The following GRAMD1B variants were observed in gnomAD, a reference collection of about 807,000 sequenced individuals.
GRAMD1B encodes GRAM domain containing 1B.
A neutral mutation model predicts 99.7 loss-of-function variants in GRAMD1B; 37 were observed. The ratio of observed to expected loss-of-function variants is 0.37; its 90% CI spans 0.29 to 0.49. The LOEUF is 0.49. GRAMD1B is among the 20% of genes least tolerant of loss of function. The pLI is 0.98. For missense variants in GRAMD1B, 888 were observed against 1,009.2 expected (o/e 0.88, Z 1.63); for synonymous variants, 427 against 387.6 (o/e 1.10, Z -1.19).
At position 123,432,834 on chromosome 11, in the gene GRAMD1B, A is replaced by T. The variant is rs986272540; in HGVS notation, c.374+1668A>T. 3.9e-5 allele frequency among the ~76,000 whole-genome samples: 6 copies of T among 152,134 alleles called. No individual in the cohort carries two copies. The East Asian group carries it at 1.2e-3, about 29-fold the overall frequency. ...TGCGGGGTGGGGACTGAGGAGTAGG[A>T]TCCGTTATGCAGAAGATGGGCATTT... On this transcript the variant is annotated intron_variant, in intron 1 of 19. Coordinates refer to ENST00000635736, the MANE Select transcript of GRAMD1B (RefSeq NM_001387025.1).
intron 1 of GRAMD1B, among the ~76,000 whole-genome samples, chr11:123,438,214 G>C (rs1949250862): frequency 6.6e-6 from 1 of 152,158 alleles, no homozygotes; most frequent in Non-Finnish European, 1.5e-5. Flanking sequence ...CCCCAGGCAG[G>C]TTTTCCAGCT....
At chr11:123,523,632 T>G (rs1468984515) in intron 2 of GRAMD1B, among the ~76,000 whole-genome samples, 2 of 152,208 alleles carry the variant, frequency 1.3e-5, no homozygotes, top group East Asian at 3.8e-4. Flanking sequence ...TGATCCAGGT[T>G]TTCTGTGTTA....
intron 2 of GRAMD1B, among the ~76,000 whole-genome samples, chr11:123,568,887 T>G (rs184562339): frequency 1.3e-5 from 2 of 152,320 alleles, no homozygotes; most frequent in East Asian, 3.9e-4. Flanking sequence ...CAGGCTTAGA[T>G]GCCAGCGATA....
intron 2 of GRAMD1B, among the ~76,000 whole-genome samples, chr11:123,500,337 T>G (rs1249302261): frequency 6.6e-6 from 1 of 152,002 alleles, no homozygotes; most frequent in Non-Finnish European, 1.5e-5. Flanking sequence ...AAATAAATAA[T>G]TAACTAAATA....
chr11:123,510,982 C>A lies in GRAMD1B; in HGVS notation c.452+30089C>A, dbSNP rs1029970552. The stretch of plus-strand genomic sequence containing the variant: ...TGGAGGTATCTGTAGCTTTCATCTG[C>A]ACTCACTTATATGTCCGTTGTTTTC... On this transcript the variant is annotated intron_variant, in intron 2 of 19. Coordinates refer to ENST00000635736, the MANE Select transcript of GRAMD1B (RefSeq NM_001387025.1). The surrounding 1 kb of genome is among the most constrained non-coding windows in gnomAD (Gnocchi z 4.3). Among the ~76,000 whole-genome samples the A allele has an allele frequency of 6.6e-6, 1 of 152,154 alleles. No individual in the cohort carries two copies. The highest frequency in any genetic ancestry group is 2.4e-5 in the African/African-American group (1 of 41,430).
At chr11:123,480,606 C>T (rs1259176915) in intron 1 of GRAMD1B, 12 of 369,058 alleles carry the variant, frequency 3.3e-5, no homozygotes, top group Non-Finnish European at 5.3e-5. Context: ...AACAGACAGT[C>T]TGCAGGTGTG....
intron 3 of GRAMD1B, 149 bp downstream of exon 3, chr11:123,577,726 C>T (rs1208736828): frequency 1.4e-5 from 9 of 648,678 alleles, no homozygotes; most frequent in African/African-American, 7.2e-5. Context: ...TGAGGTGAGG[C>T]GGGGCAGGCA....
At chr11:123,608,600 C>T (rs1439183726) in intron 11 of GRAMD1B, 59 bp from the exon 12 acceptor site, 4 of 1,556,984 alleles carry the variant, frequency 2.6e-6, no homozygotes, top group Non-Finnish European at 2.6e-6. Flanking sequence ...GAGGATGTCC[C>T]TGGGGCCCCC....
intron 2 of GRAMD1B, among the ~76,000 whole-genome samples, chr11:123,493,642 C>T (rs1048292873): frequency 6.6e-6 from 1 of 152,154 alleles, no homozygotes; most frequent in African/African-American, 2.4e-5. Flanking sequence ...CCATGTGGAA[C>T]GTGGGCCCAG....
intron 3 of GRAMD1B, among the ~76,000 whole-genome samples, chr11:123,583,297 T>A (rs1189330971): frequency 6.7e-6 from 1 of 148,336 alleles, no homozygotes; most frequent in Admixed American, 6.8e-5. Context: ...GTGGTGTGTG[T>A]GAATGTGTGT....
At chr11:123,613,248 T>C (rs1565466383) in intron 15 of GRAMD1B, 1 of 586,680 alleles carries the variant, frequency 1.7e-6, no homozygotes, top group African/African-American at 1.9e-5. Flanking sequence ...TGGGAACATA[T>C]GGTTCCTTGC....
intron 3 of GRAMD1B, among the ~76,000 whole-genome samples, chr11:123,580,648 G>T (rs960304267): frequency 4.3e-4 from 65 of 152,302 alleles, no homozygotes; most frequent in African/African-American, 1.6e-3. Flanking sequence ...TGTCCAGGCC[G>T]ACCCTCCTAG....
chr11:123,442,343 G>A (rs1949447592), intron 1 of GRAMD1B, among the ~76,000 whole-genome samples: 1 of 152,132 alleles, frequency 6.6e-6, no homozygotes, highest in Admixed American at 6.5e-5. Context: ...CTCCCTTTTA[G>A]GGTTCGATTA....
rs533467539 is a variant in GRAMD1B, at chr11:123,528,732, A to C, written c.452+47839A>C. On this transcript the variant is annotated intron_variant, in intron 2 of 19. Coordinates refer to ENST00000635736, the MANE Select transcript of GRAMD1B (RefSeq NM_001387025.1). ...TGTTGTCTCTTATATTCATTAGGTC[A>C]GTTAGTTAGACTTTTAAAAGTGTGT... Among the ~76,000 whole-genome samples the C allele has an allele frequency of 3.9e-5, 6 of 152,024 alleles. No individual in the cohort carries two copies. In the South Asian group the frequency reaches 1.3e-3, roughly 32 times the overall value.
chr11:123,513,045 T>C (rs79590365), intron 2 of GRAMD1B, among the ~76,000 whole-genome samples: 16 of 152,350 alleles, frequency 1.1e-4, no homozygotes, highest in Non-Finnish European at 2.1e-4. Context: ...TGTCCTGGAA[T>C]CTCTGATAAT....
chr11:123,554,232 T>C (rs929682283), intron 2 of GRAMD1B, among the ~76,000 whole-genome samples: 43 of 152,180 alleles, frequency 2.8e-4, no homozygotes, highest in African/African-American at 1.0e-3. Context: ...TGGCTCATAG[T>C]ATACTTTGAA....
intron 1 of GRAMD1B, among the ~76,000 whole-genome samples, chr11:123,475,439 C>T (rs920539860): frequency 2.0e-5 from 3 of 152,154 alleles, no homozygotes; most frequent in African/African-American, 7.2e-5. Flanking sequence ...CCAAGAGCTT[C>T]CCATCTTATT....
intron 1 of GRAMD1B, among the ~76,000 whole-genome samples, chr11:123,415,678 T>C (rs1383507482): frequency 2.0e-5 from 3 of 152,184 alleles, no homozygotes; most frequent in African/African-American, 7.2e-5. Flanking sequence ...TCCAAGCCAC[T>C]CACTTCTTTC....
intron 1 of GRAMD1B, chr11:123,432,181 T>C: frequency 2.5e-6 from 1 of 396,668 alleles, no homozygotes; most frequent in East Asian, 3.6e-5. Flanking sequence ...CTAATAGTGG[T>C]GATGTTGAGG....
Sources: allele counts gnomAD v4.1 joint callset (sites outside exome capture counted in the v4.1 genomes callset), GRCh38; gene constraint gnomAD v4.1.1; non-coding constraint Gnocchi (gnomAD v3.1); transcripts MANE v1.5; gene names NCBI Gene and HGNC (gene_info 2026-07-23, HGNC 2026-07-21).